Variants in CLSTN2 observed in about 807,000 individuals in gnomAD.
CLSTN2 encodes the protein calsyntenin 2, also known as calsyntenin-2.
CLSTN2 carries 48 observed loss-of-function variants against 101.2 expected under a neutral mutation model. The ratio of observed to expected loss-of-function variants is 0.47; its 90% CI spans 0.38 to 0.60. The LOEUF is 0.60. CLSTN2 is among the 20% of genes least tolerant of loss of function. The pLI, the probability that CLSTN2 is intolerant of heterozygous loss-of-function variation, is 0.00. For missense variants in CLSTN2, 1,160 were observed against 1,238.2 expected (o/e 0.94, Z 0.95); for synonymous variants, 481 against 463.6 (o/e 1.04, Z -0.48).
chr3:140,560,133 G>A (rs1364348721), intron 12 of CLSTN2, among the ~76,000 whole-genome samples: 1 of 152,204 alleles, frequency 6.6e-6, no homozygotes, highest in East Asian at 1.9e-4. Context: ...GAGAGGTACA[G>A]GCAGAGCACA....
intron 1 of CLSTN2, among the ~76,000 whole-genome samples, chr3:139,997,866 G>T (rs9833658): frequency 6.6e-6 from 1 of 151,516 alleles, no homozygotes; most frequent in African/African-American, 2.4e-5. Context: ...GAAAACATCA[G>T]CGTATTTCTA....
chr3:140,299,274 T>C (rs1390820297), intron 2 of CLSTN2, among the ~76,000 whole-genome samples: 1 of 152,214 alleles, frequency 6.6e-6, no homozygotes, highest in East Asian at 1.9e-4. Context: ...TGAGTGATTA[T>C]GTGGGCACCC....
At chr3:139,972,956 A>C (rs1444991249) in intron 1 of CLSTN2, among the ~76,000 whole-genome samples, 3 of 152,214 alleles carry the variant, frequency 2.0e-5, no homozygotes, top group Non-Finnish European at 4.4e-5. Context: ...ATTACACATT[A>C]ATTGCTCCTT....
chr3:140,038,643 C>G (rs1452605323), intron 1 of CLSTN2, among the ~76,000 whole-genome samples: 1 of 151,962 alleles, frequency 6.6e-6, no homozygotes, highest in Non-Finnish European at 1.5e-5. Context: ...TAAATACATA[C>G]CCACAATGTC....
At chr3:140,317,554 AG>A (rs1159245457) in intron 2 of CLSTN2, among the ~76,000 whole-genome samples, 1 of 152,188 alleles carries the variant, frequency 6.6e-6, no homozygotes, top group Non-Finnish European at 1.5e-5. Flanking sequence ...ACCACTGTCA[AG>A]ATTCACCAAC....
rs1183313765 is a variant in CLSTN2, at chr3:140,175,991, A to C, written c.150A>C (p.Gly50=). The change falls in exon 2 of 17, where the codon GGA becomes GGC. Residue 50 remains glycine (G), a synonymous_variant. Coordinates refer to ENST00000458420, the MANE Select transcript of CLSTN2 (RefSeq NM_022131.3). ...CATGGATCGAGACTTCATATCATGG[A>C]GTCATAACTGAGAACAATGACACAG... The part of the protein sequence containing the change: ...HKPWIETSYH[G]VITENNDTVI... 1 of 1,613,620 alleles carries C rather than the reference A, an allele frequency of 6.2e-7. No homozygotes were observed. The highest frequency in any genetic ancestry group is 1.1e-5 in the South Asian group (1 of 91,048).
At chr3:140,090,398 C>A (rs2107785305) in intron 1 of CLSTN2, among the ~76,000 whole-genome samples, 1 of 152,092 alleles carries the variant, frequency 6.6e-6, no homozygotes, top group Admixed American at 6.5e-5. Context: ...CCTTGACTTC[C>A]AAAGCACTGG....
intron 1 of CLSTN2, among the ~76,000 whole-genome samples, chr3:140,141,383 GACC>G (rs1438141424): frequency 5.3e-5 from 8 of 152,226 alleles, no homozygotes; most frequent in African/African-American, 1.7e-4. Context: ...GTGGTATCAG[GACC>G]ATGCTGGCAC....
intron 1 of CLSTN2, among the ~76,000 whole-genome samples, chr3:140,106,000 C>A (rs968766737): frequency 1.3e-5 from 2 of 152,300 alleles, no homozygotes; most frequent in Admixed American, 6.5e-5. Context: ...ATCGGCAGAA[C>A]GTGGTAACTT....
intron 1 of CLSTN2, among the ~76,000 whole-genome samples, chr3:139,964,068 T>A (rs535233404): frequency 1.6e-4 from 25 of 152,344 alleles, no homozygotes; most frequent in African/African-American, 6.0e-4. Flanking sequence ...GTAATTTTTT[T>A]ATATTTCCTC....
At chr3:140,389,921 G>A (rs970445315) in intron 2 of CLSTN2, among the ~76,000 whole-genome samples, 11 of 152,066 alleles carry the variant, frequency 7.2e-5, no homozygotes, top group African/African-American at 2.4e-4. Flanking sequence ...ATCTGTGACA[G>A]ATTTTGGTAT....
intron 15 of CLSTN2, 126 bp downstream of exon 15, chr3:140,563,329 A>G: frequency 9.7e-7 from 1 of 1,029,216 alleles, no homozygotes. Flanking sequence ...GAACCCAGCA[A>G]TGGAGAAAAT....
intron 2 of CLSTN2, among the ~76,000 whole-genome samples, chr3:140,221,216 A>G (rs533108550): frequency 1.3e-5 from 2 of 152,338 alleles, no homozygotes; most frequent in East Asian, 1.9e-4. Flanking sequence ...TCCAAATTTC[A>G]TAAAACTCTG....
chr3:140,240,479 T>C (rs1485288995), intron 2 of CLSTN2, among the ~76,000 whole-genome samples: 2 of 151,936 alleles, frequency 1.3e-5, no homozygotes, highest in East Asian at 3.9e-4. Context: ...ATGTGAACTT[T>C]GGCAAATTAT....
intron 2 of CLSTN2, among the ~76,000 whole-genome samples, chr3:140,210,690 T>A (rs2010844130): frequency 6.6e-6 from 1 of 152,118 alleles, no homozygotes; most frequent in South Asian, 2.1e-4. Context: ...GCACCATCCC[T>A]GAGAGAGAAT....
At chr3:140,084,809 A>AC (rs2008654332) in intron 1 of CLSTN2, among the ~76,000 whole-genome samples, 1 of 151,940 alleles carries the variant, frequency 6.6e-6, no homozygotes, top group Admixed American at 6.6e-5. Context: ...AGCATTTTCT[A>AC]CTCCTGCTTA....
chr3:140,101,940 A>G (rs761352971), intron 1 of CLSTN2, among the ~76,000 whole-genome samples: 3 of 152,228 alleles, frequency 2.0e-5, no homozygotes, highest in Non-Finnish European at 4.4e-5. Context: ...AGGAGAGTAC[A>G]GGGATGTTTG....
chr3:140,541,124 C>T (rs556823343), intron 9 of CLSTN2, among the ~76,000 whole-genome samples: 2 of 152,294 alleles, frequency 1.3e-5, no homozygotes, highest in East Asian at 1.9e-4. Context: ...CTTGAACCTT[C>T]CAAGCCACAT....
chr3:140,343,718 C>T (rs2087514070), intron 2 of CLSTN2, among the ~76,000 whole-genome samples: 1 of 152,182 alleles, frequency 6.6e-6, no homozygotes, highest in African/African-American at 2.4e-5. Context: ...CATGTTCATC[C>T]AAGTTCTAGT....
Sources: gnomAD v4.1 joint callset for allele counts (sites outside exome capture counted in the v4.1 genomes callset) on GRCh38, gnomAD v4.1.1 for gene constraint, MANE v1.5 for transcripts, NCBI Gene and HGNC (gene_info 2026-07-23, HGNC 2026-07-21) for gene names.